OR56A3: variants seen among roughly 807,000 people sequenced by gnomAD.
OR56A3 encodes olfactory receptor family 56 subfamily A member 3.
OR56A3 carries 23 observed loss-of-function variants against 17.5 expected under a neutral mutation model. The observed-to-expected ratio is 1.32, with a 90% CI of 0.95 to 1.87. The LOEUF is 1.87. OR56A3 is among the 40% of genes most tolerant of loss of function. The pLI is 0.00. For missense variants in OR56A3, 366 were observed against 380.1 expected, an observed-to-expected ratio of 0.96 and a Z score of 0.31; for synonymous variants, 175 against 150.6, an observed-to-expected ratio of 1.16 and a Z score of -1.19.
chr11:5,997,791 G>C, the OR56A3 span, among the ~76,000 whole-genome samples: 4 of 152,112 alleles, frequency 2.6e-5, no homozygotes, highest in Non-Finnish European at 4.4e-5. Flanking sequence ...CCATAAACCG[G>C]GGTCATTTTA....
the OR56A3 span, among the ~76,000 whole-genome samples, chr11:6,013,209 A>G: frequency 6.6e-5 from 10 of 152,336 alleles, no homozygotes; most frequent in East Asian, 1.7e-3. Context: ...TCCATGGAGC[A>G]TGCAGCCTCA....
chr11:5,970,765 T>G, the OR56A3 span, among the ~76,000 whole-genome samples: 1 of 152,104 alleles, frequency 6.6e-6, no homozygotes, highest in Non-Finnish European at 1.5e-5. Context: ...ATCACACCAC[T>G]GCCTAACTTT....
At chr11:6,021,518 A>G in the OR56A3 span, 12 of 152,070 alleles carry the variant, frequency 7.9e-5, no homozygotes, top group Admixed American at 7.9e-4. Flanking sequence ...TTATGTATCA[A>G]TTTTAAAATG....
the OR56A3 span, among the ~76,000 whole-genome samples, chr11:5,985,085 T>C: frequency 6.6e-6 from 1 of 152,218 alleles, no homozygotes; most frequent in African/African-American, 2.4e-5. Flanking sequence ...CATTTTTAAG[T>C]GTCCATAACT....
chr11:6,012,218 A>G, the OR56A3 span, among the ~76,000 whole-genome samples: 1 of 152,238 alleles, frequency 6.6e-6, no homozygotes, highest in Admixed American at 6.5e-5. Flanking sequence ...CAAGATGAAG[A>G]GGAGCTTTAT....
chr11:5,988,308 G>C, the OR56A3 span, among the ~76,000 whole-genome samples: 2 of 72,526 alleles, frequency 2.8e-5, no homozygotes, highest in Non-Finnish European at 7.6e-5. Flanking sequence ...GTGTCTTAAT[G>C]GTTTGTTTTT....
the OR56A3 span, among the ~76,000 whole-genome samples, chr11:5,991,236 G>A: frequency 0.012 from 1,805 of 152,306 alleles, 26 homozygotes; most frequent in African/African-American, 0.042. Flanking sequence ...TGGTGAGGAT[G>A]CCACCTAGGA....
At chr11:5,953,236 C>T (rs1405028382), downstream of OR56A3, among the ~76,000 whole-genome samples, 1 of 152,182 alleles carries the variant, frequency 6.6e-6, no homozygotes, top group Non-Finnish European at 1.5e-5. Flanking sequence ...AAACTGCTTT[C>T]TACAGTGGCT....
the OR56A3 span, among the ~76,000 whole-genome samples, chr11:6,014,304 G>A: frequency 6.6e-6 from 1 of 152,206 alleles, no homozygotes; most frequent in Non-Finnish European, 1.5e-5. Flanking sequence ...AATGTTGAAG[G>A]TAGGGCCTGG....
At chr11:5,960,434 A>AT in the OR56A3 span, among the ~76,000 whole-genome samples, 1 of 152,126 alleles carries the variant, frequency 6.6e-6, no homozygotes, top group Non-Finnish European at 1.5e-5. Context: ...TGGTTGTCGT[A>AT]TTTTTTGGTG....
At chr11:5,965,066 G>A in the OR56A3 span, among the ~76,000 whole-genome samples, 1 of 152,144 alleles carries the variant, frequency 6.6e-6, no homozygotes, top group African/African-American at 2.4e-5. Flanking sequence ...TCCTATGGGA[G>A]GAAAAAATTA....
the OR56A3 span, among the ~76,000 whole-genome samples, chr11:5,978,414 G>A: frequency 6.6e-6 from 1 of 152,034 alleles, no homozygotes; most frequent in Non-Finnish European, 1.5e-5. Flanking sequence ...TGGTTGTAGA[G>A]ATATTTTATC....
At chr11:5,996,752 G>A in the OR56A3 span, among the ~76,000 whole-genome samples, 3 of 152,172 alleles carry the variant, frequency 2.0e-5, no homozygotes, top group Non-Finnish European at 4.4e-5. Context: ...AAAGAAATAA[G>A]TCTATTTCTC....
the OR56A3 span, among the ~76,000 whole-genome samples, chr11:5,993,453 T>G: frequency 6.6e-6 from 1 of 152,172 alleles, no homozygotes; most frequent in Non-Finnish European, 1.5e-5. Flanking sequence ...ATTTTTTTCA[T>G]CAACAATGGC....
At chr11:6,005,397 G>GT in the OR56A3 span, among the ~76,000 whole-genome samples, 258 of 152,330 alleles carry the variant, frequency 1.7e-3, 3 homozygotes, top group Non-Finnish European at 3.1e-3. Context: ...TGCATCCCAA[G>GT]TTCTTTGGGG....
chr11:5,949,246 C>A lies in OR56A3; in HGVS notation c.*952C>A, dbSNP rs1379177491. 7.2e-5 allele frequency: 11 copies of A among 152,236 alleles called. No homozygotes were observed. The East Asian group carries it at 2.1e-3, about 29-fold the overall frequency. 9.4% of individuals were successfully genotyped at this position (152,236 alleles called of 1,614,324 possible). On this transcript the variant is annotated 3_prime_UTR_variant, in exon 3 of 3. Coordinates refer to ENST00000641160, the MANE Select transcript of OR56A3 (RefSeq NM_001003443.3). ...AAGAATATTGTTGTTGATTTGAGGACCTCAAAGTTTGGGTAGGAAAAATAC... is the reference window on the plus strand; with the variant it reads ...AAGAATATTGTTGTTGATTTGAGGAACTCAAAGTTTGGGTAGGAAAAATAC...
In OR56A3 at chr11:5,948,042, C is replaced by G. The variant is rs779614131; in HGVS notation, c.696C>G (p.Leu232=). The G allele has an allele frequency of 6.2e-7, 1 of 1,614,114 alleles. No homozygotes were observed. The highest frequency in any genetic ancestry group is 1.3e-5 in the African/African-American group (1 of 74,940). The change falls in exon 3 of 3, where the codon CTC becomes CTG. Residue 232 remains leucine, a synonymous_variant. Coordinates refer to ENST00000641160, the MANE Select transcript of OR56A3 (RefSeq NM_001003443.3). ...TCATTCTGCGAGCTGTGCTGAGACT[C>G]AAGGCAGAGGGTGCCGTGGCAAAGG... The part of the protein sequence containing the change: ...YTFILRAVLR[L]KAEGAVAKAL...
chr11:5,995,618 GA>G, the OR56A3 span, among the ~76,000 whole-genome samples: 1 of 152,106 alleles, frequency 6.6e-6, no homozygotes, highest in Non-Finnish European at 1.5e-5. Context: ...TTAATTGACA[GA>G]TTAAATTTCA....
the OR56A3 span, among the ~76,000 whole-genome samples, chr11:5,974,309 G>T: frequency 6.6e-6 from 1 of 152,012 alleles, no homozygotes; most frequent in African/African-American, 2.4e-5. Flanking sequence ...GTTTCACCAT[G>T]TTGGCCAAGC....
Sources: gnomAD v4.1 joint callset for allele counts (sites outside exome capture counted in the v4.1 genomes callset) on GRCh38, gnomAD v4.1.1 for gene constraint, MANE v1.5 for transcripts, NCBI Gene and HGNC (gene_info 2026-07-23, HGNC 2026-07-21) for gene names.